The following RNF24 variants were observed in gnomAD, a reference collection of about 807,000 sequenced individuals.
RNF24 encodes ring finger protein 24.
Under a neutral mutation model 20.0 loss-of-function variants are expected in RNF24, and 14 were observed. The ratio of observed to expected loss-of-function variants is 0.70; its 90% CI spans 0.46 to 1.10. RNF24 has a LOEUF of 1.10. Ranked by LOEUF, RNF24 falls within the 50% of genes least tolerant of loss-of-function variation. The pLI is 0.00. For missense variants in RNF24, 124 were observed against 177.6 expected (o/e 0.70, Z 1.71); for synonymous variants, 45 against 61.1 (o/e 0.74, Z 1.23).
At position 3,934,624 on chromosome 20, in the gene RNF24, C is replaced by T. The variant is rs933441697; in HGVS notation, c.308+370G>A. On this transcript the variant is annotated intron_variant, in intron 5 of 5. Coordinates refer to ENST00000358395, the MANE Select transcript of RNF24 (RefSeq NM_001134337.3). The surrounding 1 kb of genome is among the most constrained non-coding windows in gnomAD (Gnocchi z 4.0). ...GGAAGTGGGAGGAGAGTGCCCCACA[C>T]TACCATTTATATCCAGACTTTATTT... Among the ~76,000 whole-genome samples, 13 of 152,164 alleles carry T rather than the reference C, an allele frequency of 8.5e-5. No homozygotes were observed. Among genetic ancestry groups the T allele is most frequent in the African/African-American group, 3.1e-4 (13 of 41,434 alleles).
At position 3,929,752 on chromosome 20, in the gene RNF24, A is replaced by AAGTC. The variant is rs1467201284; in HGVS notation, c.*4307_*4310dup. On this transcript the variant is annotated 3_prime_UTR_variant, in exon 6 of 6. Transcript: ENST00000358395. ...TCTTGAGCATCCTGTCGCAGATAGAAAGTCAATCAGAAAAATCTGGTTGTG... is the reference window on the plus strand; with the variant it reads ...TCTTGAGCATCCTGTCGCAGATAGAAAGTCAGTCAATCAGAAAAATCTGGTTGTG... 6.6e-6 allele frequency: 1 copy of AAGTC among 150,814 alleles called. No individual in the cohort carries two copies. Among genetic ancestry groups the AAGTC allele is most frequent in the African/African-American group, 2.4e-5 (1 of 41,326 alleles). The allele number at this position is 150,814 out of a possible 1,614,324, so 9.3% of individuals were successfully genotyped here.
In RNF24 at chr20:3,934,256, C is replaced by A; in HGVS notation, c.309-55G>T. On this transcript the variant is annotated intron_variant, in intron 5 of 5. Coordinates refer to ENST00000358395, the MANE Select transcript of RNF24 (RefSeq NM_001134337.3). This position sits in a 1 kb window ranked among gnomAD's most constrained non-coding sequence, Gnocchi z 4.0. ...TGTCAGTCCTATGCTCATGGCACGG[C>A]TGTTCTGCTGAACATCTCCATATCT... 6.5e-7 allele frequency: 1 copy of A among 1,547,600 alleles called. No individual in the cohort carries two copies. The highest frequency in any genetic ancestry group is 1.2e-5 in the South Asian group (1 of 84,078).
rs529637409 is a variant in RNF24 at position 3,994,654 on chromosome 20, C to T, written c.-8+20783G>A. Among the ~76,000 whole-genome samples the T allele has an allele frequency of 4.6e-5, 7 of 152,234 alleles. No homozygotes were observed. The East Asian group carries it at 7.7e-4, about 17-fold the overall frequency. On this transcript the variant is annotated intron_variant, in intron 1 of 5. Coordinates refer to ENST00000358395, the MANE Select transcript of RNF24 (RefSeq NM_001134337.3). ...AAAACCAAACCCCTGGGAAAGGTGA[C>T]GAGTCTTTGGACCCTGTTGAAGCTA...
Position 3,976,151 on chromosome 20 carries a change from T to A in RNF24, c.-7-12127A>T, listed in dbSNP as rs78137930. Among the ~76,000 whole-genome samples, 649 of 152,302 alleles carry A rather than the reference T, an allele frequency of 4.3e-3. 13 individuals carry two copies. The highest frequency in any genetic ancestry group is 0.03 in the Admixed American group (458 of 15,298). ...TGAGACAATAGATTTTCTGTTGTTT[T>A]AAGGCACCCAGTTTATGGCACGTTG... On this transcript the variant is annotated intron_variant, in intron 1 of 5. Coordinates refer to ENST00000358395, the MANE Select transcript of RNF24 (RefSeq NM_001134337.3).
intron 2 of RNF24, among the ~76,000 whole-genome samples, chr20:3,951,388 T>C (rs1476302633): frequency 6.6e-6 from 1 of 152,232 alleles, no homozygotes; most frequent in Non-Finnish European, 1.5e-5. Flanking sequence ...TAGTGTCCAC[T>C]GGGTTTCTCC....
chr20:3,974,262 C>T, intron 1 of RNF24: 1 of 1,498,012 alleles, frequency 6.7e-7, no homozygotes, highest in South Asian at 1.3e-5. Context: ...CCGGCAAAAA[C>T]CAACCAAACA....
intron 2 of RNF24, among the ~76,000 whole-genome samples, chr20:3,952,664 T>A (rs1403838973): frequency 6.6e-6 from 1 of 151,072 alleles, no homozygotes; most frequent in Non-Finnish European, 1.5e-5. Context: ...TATCAATACA[T>A]CACTATTAAG....
chr20:4,013,567 G>A (rs1434033895), intron 1 of RNF24, among the ~76,000 whole-genome samples: 1 of 152,090 alleles, frequency 6.6e-6, no homozygotes, highest in Admixed American at 6.5e-5. Flanking sequence ...TGCAACCTCC[G>A]CCTCCGGGAG....
intron 4 of RNF24, among the ~76,000 whole-genome samples, chr20:3,939,813 T>C (rs780485823): frequency 3.3e-5 from 5 of 152,214 alleles, no homozygotes; most frequent in Non-Finnish European, 7.3e-5. Context: ...AATATTACAT[T>C]TTCTAACCAA....
intron 1 of RNF24, among the ~76,000 whole-genome samples, chr20:3,985,010 T>G (rs1429875956): frequency 6.6e-6 from 1 of 152,044 alleles, no homozygotes; most frequent in Non-Finnish European, 1.5e-5. Flanking sequence ...TTACACTCCT[T>G]CCCATTATTT....
At chr20:4,004,757 C>T (rs1413789879) in intron 1 of RNF24, among the ~76,000 whole-genome samples, 1 of 152,170 alleles carries the variant, frequency 6.6e-6, no homozygotes. Context: ...ACTTCTACCT[C>T]CAGAACTGTG....
At chr20:3,947,705 G>C (rs1180410301) in intron 3 of RNF24, among the ~76,000 whole-genome samples, 1 of 152,212 alleles carries the variant, frequency 6.6e-6, no homozygotes, top group Non-Finnish European at 1.5e-5. Context: ...CAAGTTTCCT[G>C]TTAAATTATA....
intron 1 of RNF24, among the ~76,000 whole-genome samples, chr20:3,978,269 A>G (rs1379940169): frequency 6.6e-6 from 1 of 151,982 alleles, no homozygotes; most frequent in Admixed American, 6.6e-5. Context: ...AAGTCCTGAC[A>G]TTGTGATCCG....
At chr20:4,002,508 C>T (rs935875287) in intron 1 of RNF24, among the ~76,000 whole-genome samples, 1 of 152,054 alleles carries the variant, frequency 6.6e-6, no homozygotes, top group African/African-American at 2.4e-5. Flanking sequence ...CACTGATAGG[C>T]ACAGGGCCAT....
chr20:3,969,883 G>C (rs990672633), intron 1 of RNF24, among the ~76,000 whole-genome samples: 4 of 150,672 alleles, frequency 2.7e-5, no homozygotes, highest in African/African-American at 9.8e-5. Flanking sequence ...CGATTGTCCT[G>C]CCTCAGCCTC....
chr20:3,964,201 T>TA (rs1195185701), intron 1 of RNF24, among the ~76,000 whole-genome samples, 177 bp from the exon 2 acceptor site: 2 of 152,214 alleles, frequency 1.3e-5, no homozygotes, highest in Non-Finnish European at 1.5e-5. Flanking sequence ...TACTGAGTAT[T>TA]ATGTACCTGG....
intron 2 of RNF24, 35 bp downstream of exon 2, chr20:3,963,840 A>G (rs375055894): frequency 1.4e-6 from 2 of 1,475,358 alleles, no homozygotes; most frequent in African/African-American, 1.4e-5. Flanking sequence ...ATTATTTAAC[A>G]TATTTTGAAG....
At chr20:3,958,722 A>AC (rs1437524473) in intron 2 of RNF24, among the ~76,000 whole-genome samples, 2 of 151,898 alleles carry the variant, frequency 1.3e-5, no homozygotes, top group Non-Finnish European at 2.9e-5. Context: ...GCTCAATGCA[A>AC]CCTCCACCTT....
intron 1 of RNF24, among the ~76,000 whole-genome samples, chr20:4,000,219 A>G (rs1981274520): frequency 6.6e-6 from 1 of 152,174 alleles, no homozygotes; most frequent in South Asian, 2.1e-4. Context: ...GCCTAAAACA[A>G]TCATCAAAAA....
Sources: allele counts gnomAD v4.1 joint callset (sites outside exome capture counted in the v4.1 genomes callset), GRCh38; gene constraint gnomAD v4.1.1; non-coding constraint Gnocchi (gnomAD v3.1); transcripts MANE v1.5; gene names NCBI Gene and HGNC (gene_info 2026-07-23, HGNC 2026-07-21).